The following EZH2 variants were observed in gnomAD, a reference collection of about 807,000 sequenced individuals.
EZH2 encodes enhancer of zeste 2 polycomb repressive complex 2 subunit.
Under a neutral mutation model 98.4 loss-of-function variants are expected in EZH2, and 18 were observed. That is an observed-to-expected ratio of 0.18 (90% CI 0.13 to 0.27). The LOEUF (loss-of-function observed/expected upper bound fraction) is 0.27, where lower values mean the gene tolerates loss of function less well. Ranked by LOEUF, EZH2 falls within the 10% of genes least tolerant of loss-of-function variation. The pLI is 1.00. For synonymous variants in EZH2, 338 were observed against 312.3 expected, an observed-to-expected ratio of 1.08 and a Z score of -0.87; for missense variants, 470 against 935.1, an observed-to-expected ratio of 0.50 and a Z score of 6.49.
At chr7:148,823,530 T>C (rs1219393415) in intron 8 of EZH2, among the ~76,000 whole-genome samples, 3 of 151,718 alleles carry the variant, frequency 2.0e-5, no homozygotes, top group Non-Finnish European at 4.4e-5. Context: ...AAAGAAACTG[T>C]AAAAAAAATA....
Position 148,807,542 on chromosome 7 carries a change from T to G in EZH2, c.*104A>C. ...ATTATTCTTACAGTACTTTGCAAATTCAGAATTTCAAACTGCATGTTCTTT... is the reference window on the plus strand; with the variant it reads ...ATTATTCTTACAGTACTTTGCAAATGCAGAATTTCAAACTGCATGTTCTTT... On this transcript the variant is annotated 3_prime_UTR_variant, in exon 20 of 20. Coordinates refer to ENST00000320356, the MANE Select transcript of EZH2 (RefSeq NM_004456.5). 1 of 969,602 alleles carries G rather than the reference T, an allele frequency of 1.0e-6. No individual in the cohort carries two copies. The highest frequency in any genetic ancestry group is 1.4e-5 in the South Asian group (1 of 69,428). The allele number at this position is 969,602 out of a possible 1,614,324, so 60.1% of individuals were successfully genotyped here.
intron 8 of EZH2, 98 bp downstream of exon 8, chr7:148,826,356 C>G (rs1807710604): frequency 1.1e-6 from 1 of 951,374 alleles, no homozygotes; most frequent in Admixed American, 3.9e-5. Context: ...AAAGTAACTA[C>G]AAGATTAAAT....
chr7:148,815,154 T>TTA, intron 13 of EZH2, 115 bp from the exon 14 acceptor site: 1 of 1,280,816 alleles, frequency 7.8e-7, no homozygotes, highest in Non-Finnish European at 1.1e-6. Context: ...TGGCCTGCCT[T>TTA]TACTGAATGC....
Position 148,847,316 on chromosome 7 carries a change from T to C in EZH2, c.-7-11A>G. 1.2e-6 allele frequency: 2 copies of C among 1,612,648 alleles called. No homozygotes were observed. Among genetic ancestry groups the C allele is most frequent in the Non-Finnish European group, 1.7e-6 (2 of 1,179,698 alleles). ...TGGCCCATGATTATTCTAAAAGCAA[T>C]GGTTTCATATTAAAATCACTAATCT... On this transcript the variant is annotated splice_polypyrimidine_tract_variant and intron_variant, in intron 1 of 19. Transcript: ENST00000320356.
At chr7:148,852,022 T>TGGATAA (rs1815926049) in intron 1 of EZH2, among the ~76,000 whole-genome samples, 1 of 152,262 alleles carries the variant, frequency 6.6e-6, no homozygotes. Context: ...GAAATCCCAC[T>TGGATAA]AGTATGAACT....
intron 1 of EZH2, among the ~76,000 whole-genome samples, chr7:148,848,848 A>T (rs1411606230): frequency 6.6e-6 from 1 of 152,150 alleles, no homozygotes; most frequent in African/African-American, 2.4e-5. Context: ...CGGATACCAA[A>T]ATCCACAGAT....
intron 1 of EZH2, among the ~76,000 whole-genome samples, chr7:148,852,050 G>A (rs1419355637): frequency 6.6e-6 from 1 of 152,100 alleles, no homozygotes; most frequent in Non-Finnish European, 1.5e-5. Context: ...GAATACAAAA[G>A]CAGCTTTTCC....
chr7:148,856,128 C>T (rs73747705), intron 1 of EZH2, among the ~76,000 whole-genome samples: 5,232 of 152,130 alleles, frequency 0.034, 290 homozygotes, highest in African/African-American at 0.12. Flanking sequence ...GAGATAATCT[C>T]ATGGAAGGAG....
intron 9 of EZH2, among the ~76,000 whole-genome samples, chr7:148,818,565 C>A (rs905787149): frequency 4.6e-5 from 7 of 152,108 alleles, no homozygotes; most frequent in African/African-American, 1.7e-4. Context: ...ATAATGCATA[C>A]CTCTTCGTGT....
chr7:148,808,895 A>G (rs1475980625), intron 19 of EZH2, among the ~76,000 whole-genome samples, 176 bp downstream of exon 19: 1 of 152,214 alleles, frequency 6.6e-6, no homozygotes, highest in Non-Finnish European at 1.5e-5. Context: ...TGCCTTGTAT[A>G]ATATATAAAT....
intron 1 of EZH2, among the ~76,000 whole-genome samples, chr7:148,853,639 T>C (rs575095973): frequency 5.0e-4 from 76 of 152,368 alleles, no homozygotes; most frequent in Admixed American, 2.3e-3. Context: ...TCTAGATTAC[T>C]AAATACCTAA....
chr7:148,813,330 TA>T (rs11357223), intron 15 of EZH2, among the ~76,000 whole-genome samples: 98,190 of 146,072 alleles, frequency 0.67, 32,885 homozygotes, highest in African/African-American at 0.79. Context: ...TCATCTGCCC[TA>T]AAAAAAAAAA....
chr7:148,838,269 A>G (rs1318771762), intron 3 of EZH2, among the ~76,000 whole-genome samples: 2 of 151,908 alleles, frequency 1.3e-5, no homozygotes, highest in African/African-American at 2.4e-5. Flanking sequence ...GGATCTCACT[A>G]TGTTGCTCAG....
intron 5 of EZH2, 138 bp downstream of exon 5, chr7:148,829,590 C>G: frequency 1.2e-6 from 1 of 862,114 alleles, no homozygotes; most frequent in Non-Finnish European, 1.7e-6. Flanking sequence ...AGGCCTGGGC[C>G]CAGGTTCAGT....
chr7:148,810,201 C>T (rs374852698), intron 17 of EZH2, 132 bp downstream of exon 17: 17 of 555,210 alleles, frequency 3.1e-5, no homozygotes, highest in African/African-American at 2.9e-4. Flanking sequence ...AAGCAAGCAG[C>T]CCCCCATGCC....
rs556836623 is a variant in EZH2, at chr7:148,826,402, C to A, written c.907+52G>T. The A allele has an allele frequency of 3.1e-5, 43 of 1,405,586 alleles. No individual in the cohort carries two copies. The South Asian group carries it at 6.5e-4, about 21-fold the overall frequency. The allele number at this position is 1,405,586 out of a possible 1,614,324, so 87.1% of individuals were successfully genotyped here. Reference sequence around the variant, plus strand: ...AGTTGTAATAAATGATAGCACTCTCCAAGCTGCTTTAAAACATAATTCCAC... The same window carrying A: ...AGTTGTAATAAATGATAGCACTCTCAAAGCTGCTTTAAAACATAATTCCAC... On this transcript the variant is annotated intron_variant, in intron 8 of 19. Coordinates refer to ENST00000320356, the MANE Select transcript of EZH2 (RefSeq NM_004456.5).
intron 11 of EZH2, 136 bp downstream of exon 11, chr7:148,817,086 G>C (rs182279595): frequency 1.2e-6 from 1 of 820,212 alleles, no homozygotes; most frequent in East Asian, 2.8e-5. Flanking sequence ...TTCCCTCTTG[G>C]GAAGAAAAAA....
At chr7:148,856,929 G>A (rs998725526) in intron 1 of EZH2, among the ~76,000 whole-genome samples, 1 of 152,140 alleles carries the variant, frequency 6.6e-6, no homozygotes, top group East Asian at 1.9e-4. Context: ...CCCCCTGAGC[G>A]TGAGCTAGAT....
chr7:148,848,274 A>G (rs1761319966), intron 1 of EZH2, among the ~76,000 whole-genome samples: 1 of 152,226 alleles, frequency 6.6e-6, no homozygotes, highest in South Asian at 2.1e-4. Context: ...AACTGCAACC[A>G]GGTTAGATGA....
Sources: gnomAD v4.1 joint callset for allele counts (sites outside exome capture counted in the v4.1 genomes callset) on GRCh38, gnomAD v4.1.1 for gene constraint, MANE v1.5 for transcripts, NCBI Gene and HGNC (gene_info 2026-07-23, HGNC 2026-07-21) for gene names.